CEP43: variants seen among roughly 807,000 people sequenced by gnomAD.
CEP43 encodes centrosomal protein 43, also known as FGFR1 oncogene partner.
A neutral mutation model predicts 52.6 loss-of-function variants in CEP43; 36 were observed. The observed-to-expected ratio is 0.68, with a 90% confidence interval of 0.52 to 0.90. The LOEUF is 0.90. Among genes scored for constraint, CEP43 ranks in the 40% least tolerant of loss-of-function variants. CEP43 has a pLI of 0.00. For missense variants in CEP43, 506 were observed against 472.8 expected (o/e 1.07, Z -0.65); for synonymous variants, 192 against 172.4 (o/e 1.11, Z -0.89).
At chr6:167,027,670 T>G (rs917603813) in intron 10 of CEP43, among the ~76,000 whole-genome samples, 4 of 152,214 alleles carry the variant, frequency 2.6e-5, no homozygotes, top group African/African-American at 9.7e-5. Flanking sequence ...TGGCACTGAT[T>G]GATGGGTAGC....
Position 167,040,550 on chromosome 6 carries a change from G to T in CEP43, c.*572G>T, listed in dbSNP as rs1260934517. ...TTGGAAGGTTTGTTAGACCATTAAG[G>T]TTATATTAAAGTACTCTTGTGTGTG... On this transcript the variant is annotated 3_prime_UTR_variant, in exon 13 of 13. Transcript: ENST00000366847. 2.7e-6 allele frequency: 3 copies of T among 1,093,086 alleles called. No homozygotes were observed. The highest frequency in any genetic ancestry group is 9.8e-5 in the East Asian group (2 of 20,446). The allele number at this position is 1,093,086 out of a possible 1,614,324, so 67.7% of individuals were successfully genotyped here.
Position 167,047,186 on chromosome 6 carries a change from T to C in CEP43, c.*7208T>C, listed in dbSNP as rs1780810846. 1 of 152,298 alleles carries C rather than the reference T, an allele frequency of 6.6e-6. No homozygotes were observed. The highest frequency in any genetic ancestry group is 1.5e-5 in the Non-Finnish European group (1 of 68,124). 9.4% of individuals were successfully genotyped at this position (152,298 alleles called of 1,614,324 possible). ...GGGACCTGAAAAACTGATGGGCTGATGGGGTCTGCCCATGATTGGCAGCCT... is the reference window on the plus strand; with the variant it reads ...GGGACCTGAAAAACTGATGGGCTGACGGGGTCTGCCCATGATTGGCAGCCT... On this transcript the variant is annotated 3_prime_UTR_variant, in exon 13 of 13. Coordinates refer to ENST00000366847, the MANE Select transcript of CEP43 (RefSeq NM_007045.4).
At chr6:167,026,807 T>C (rs1016237135) in intron 10 of CEP43, among the ~76,000 whole-genome samples, 192 bp downstream of exon 10, 1 of 152,236 alleles carries the variant, frequency 6.6e-6, no homozygotes, top group Non-Finnish European at 1.5e-5. Context: ...ACAGCCATCA[T>C]GTTCTCGTGA....
intron 8 of CEP43, among the ~76,000 whole-genome samples, chr6:167,024,021 G>C (rs1435802502): frequency 2.6e-5 from 4 of 152,214 alleles, no homozygotes; most frequent in Non-Finnish European, 4.4e-5. Context: ...GTATGCTGAC[G>C]AGAGCTGTTC....
chr6:167,006,375 C>T (rs779595403), intron 5 of CEP43, among the ~76,000 whole-genome samples: 17 of 152,012 alleles, frequency 1.1e-4, no homozygotes, highest in Admixed American at 2.0e-4. Flanking sequence ...ATTAGCTGGG[C>T]GCGGTGGTGT....
chr6:167,016,358 A>G (rs1780099593), intron 7 of CEP43, among the ~76,000 whole-genome samples: 1 of 152,138 alleles, frequency 6.6e-6, no homozygotes. Context: ...CCTGGGGTCA[A>G]GTGCCCACTT....
chr6:167,041,365 A>G lies in CEP43; in HGVS notation c.*1387A>G. 1 of 1,059,924 alleles carries G rather than the reference A, an allele frequency of 9.4e-7. No individual in the cohort carries two copies. The highest frequency in any genetic ancestry group is 1.1e-6 in the Non-Finnish European group (1 of 875,832). 65.7% of individuals were successfully genotyped at this position (1,059,924 alleles called of 1,614,324 possible). A position where few individuals can be genotyped will look rare whatever the true frequency, so the allele number is the denominator to read the frequency against. ...GCTGTAAACATCAAGAGGAAGTAGG[A>G]CATAAACTGGGCCGGTACAGCCTGG... is the stretch of plus-strand genomic sequence containing the variant. On this transcript the variant is annotated 3_prime_UTR_variant, in exon 13 of 13. Coordinates refer to ENST00000366847, the MANE Select transcript of CEP43 (RefSeq NM_007045.4).
At chr6:167,021,555 A>C (rs1212586074) in intron 7 of CEP43, among the ~76,000 whole-genome samples, 1 of 152,346 alleles carries the variant, frequency 6.6e-6, no homozygotes, top group Middle Eastern at 3.4e-3. Context: ...GTCTAAGGGC[A>C]GAAAGAAATC....
In CEP43 at chr6:167,040,928, C is replaced by T. The variant is rs1358944001; in HGVS notation, c.*950C>T. On this transcript the variant is annotated 3_prime_UTR_variant, in exon 13 of 13. Coordinates refer to ENST00000366847, the MANE Select transcript of CEP43 (RefSeq NM_007045.4). ...AAAAATAGAGCCAATAATAGAATTT[C>T]CACAGTCTCATTTATACGGTTAAAG... 2.9e-6 allele frequency: 3 copies of T among 1,024,378 alleles called. No individual in the cohort carries two copies. The African/African-American group carries it at 5.1e-5, about 17-fold the overall frequency. The allele number at this position is 1,024,378 out of a possible 1,614,324, so 63.5% of individuals were successfully genotyped here. A position where few individuals can be genotyped will look rare whatever the true frequency, so the allele number is the denominator to read the frequency against.
rs1780873093 is a variant in CEP43 at position 167,051,749 on chromosome 6, C to G, written c.*11771C>G. On this transcript the variant is annotated 3_prime_UTR_variant, in exon 13 of 13. Transcript: ENST00000366847. ...ATTTTTTGTCTGTTTGACTTAAAGTCTATTTTGTTTGATATTAGCATAGCT... is the reference window on the plus strand; with the variant it reads ...ATTTTTTGTCTGTTTGACTTAAAGTGTATTTTGTTTGATATTAGCATAGCT... The G allele has an allele frequency of 6.6e-6, 1 of 152,082 alleles. No homozygotes were observed. The highest frequency in any genetic ancestry group is 1.5e-5 in the Non-Finnish European group (1 of 68,012). The allele number at this position is 152,082 out of a possible 1,614,324, so 9.4% of individuals were successfully genotyped here. A position where few individuals can be genotyped will look rare whatever the true frequency, so the allele number is the denominator to read the frequency against.
At chr6:167,010,330 AATG>A (rs897049624) in intron 5 of CEP43, among the ~76,000 whole-genome samples, 3 of 152,240 alleles carry the variant, frequency 2.0e-5, no homozygotes, top group Non-Finnish European at 4.4e-5. Flanking sequence ...TTGGAAAAAA[AATG>A]TGTGAAAGTA....
intron 12 of CEP43, chr6:167,036,838 C>G: frequency 3.4e-6 from 3 of 872,540 alleles, no homozygotes; most frequent in Non-Finnish European, 4.1e-6. Flanking sequence ...GACAGAGTCT[C>G]ACTCTGTTGC....
Position 167,041,398 on chromosome 6 carries a change from G to C in CEP43, c.*1420G>C. 15 of 1,061,232 alleles carry C rather than the reference G, an allele frequency of 1.4e-5. No homozygotes were observed. The highest frequency in any genetic ancestry group is 1.7e-5 in the Non-Finnish European group (15 of 876,674). The allele number at this position is 1,061,232 out of a possible 1,614,324, so 65.7% of individuals were successfully genotyped here. A position where few individuals can be genotyped will look rare whatever the true frequency, so the allele number is the denominator to read the frequency against. On this transcript the variant is annotated 3_prime_UTR_variant, in exon 13 of 13. Transcript: ENST00000366847. ...TGGGCCGGTACAGCCTGGGAGCCCT[G>C]TGTATTTCTGCCCTCCGTCTGTGAG...
Position 167,008,799 on chromosome 6 carries a change from T to G in CEP43, c.439-2014T>G, listed in dbSNP as rs185590608. On this transcript the variant is annotated intron_variant, in intron 5 of 12. Coordinates refer to ENST00000366847, the MANE Select transcript of CEP43 (RefSeq NM_007045.4). ...GGCATAGTGATTTTTAACATACTGT[T>G]CACAGTCAGTGGAAGCCTTTGAAAA... Among the ~76,000 whole-genome samples the G allele has an allele frequency of 2.2e-3, 339 of 152,236 alleles. 1 individual carries two copies. The highest frequency in any genetic ancestry group is 0.011 in the South Asian group (51 of 4,822).
At chr6:167,005,730 C>T (rs1224462297) in intron 5 of CEP43, among the ~76,000 whole-genome samples, 1 of 152,180 alleles carries the variant, frequency 6.6e-6, no homozygotes, top group Non-Finnish European at 1.5e-5. Flanking sequence ...ACTGGGCAAT[C>T]AAAAACAAAC....
intron 12 of CEP43, among the ~76,000 whole-genome samples, 186 bp from the exon 13 acceptor site, chr6:167,039,718 C>T (rs1272908872): frequency 6.6e-6 from 1 of 152,172 alleles, no homozygotes; most frequent in East Asian, 1.9e-4. Flanking sequence ...ACATTCCCAC[C>T]AACAGTGTAA....
chr6:167,033,490 G>T (rs1306947199), intron 11 of CEP43, among the ~76,000 whole-genome samples: 1 of 152,102 alleles, frequency 6.6e-6, no homozygotes, highest in African/African-American at 2.4e-5. Context: ...TTTTAAATTA[G>T]ATGCCTGAGA....
rs139570765 is a variant in CEP43 at position 166,999,625 on chromosome 6, C to T, written c.102+111C>T. 2,813 of 780,524 alleles carry T rather than the reference C, an allele frequency of 3.6e-3. 4 individuals are homozygous for T. Among genetic ancestry groups the T allele is most frequent in the Non-Finnish European group, 4.4e-3 (2,435 of 550,020 alleles). The allele number at this position is 780,524 out of a possible 1,614,324, so 48.3% of individuals were successfully genotyped here. A position where few individuals can be genotyped will look rare whatever the true frequency, so the allele number is the denominator to read the frequency against. ...CGCCTCCCTGGCGAGGGACCGGGGCCGGCGGGCACTGGGGGCGCGCCCCGG... is the reference window on the plus strand; with the variant it reads ...CGCCTCCCTGGCGAGGGACCGGGGCTGGCGGGCACTGGGGGCGCGCCCCGG... On this transcript the variant is annotated intron_variant, in intron 1 of 12. Transcript: ENST00000366847.
rs574223745 is a variant in CEP43, at chr6:167,028,607, A to G, written c.988+1992A>G. 79 of 519,634 alleles carry G rather than the reference A, an allele frequency of 1.5e-4. No individual in the cohort carries two copies. The African/African-American group carries it at 1.6e-3, about 10-fold the overall frequency. 32.2% of individuals were successfully genotyped at this position (519,634 alleles called of 1,614,324 possible). A position where few individuals can be genotyped will look rare whatever the true frequency, so the allele number is the denominator to read the frequency against. Reference sequence around the variant, plus strand: ...GTTAGTGGACCAGCCTAGGAGAATAATGATGTTAGTGGTAAGTGCCTGGCA... The same window carrying G: ...GTTAGTGGACCAGCCTAGGAGAATAGTGATGTTAGTGGTAAGTGCCTGGCA... On this transcript the variant is annotated intron_variant, in intron 10 of 12. Transcript: ENST00000366847.
Sources: gnomAD v4.1 joint callset for allele counts (sites outside exome capture counted in the v4.1 genomes callset) on GRCh38, gnomAD v4.1.1 for gene constraint, MANE v1.5 for transcripts, NCBI Gene and HGNC (gene_info 2026-07-23, HGNC 2026-07-21) for gene names.